Variants in GOLGA3 observed in about 807,000 individuals in gnomAD.
GOLGA3 encodes golgin subfamily A member 3.
A neutral mutation model predicts 169.4 loss-of-function variants in GOLGA3; 75 were observed. The observed-to-expected ratio is 0.44, with a 90% confidence interval of 0.37 to 0.54. The LOEUF (loss-of-function observed/expected upper bound fraction) is 0.54, where lower values mean the gene tolerates loss of function less well. Among genes scored for constraint, GOLGA3 ranks in the 20% least tolerant of loss-of-function variants. GOLGA3 has a pLI of 0.00. For missense variants in GOLGA3, 1,899 were observed against 1,930.0 expected (o/e 0.98, Z 0.30); for synonymous variants, 824 against 822.4 (o/e 1.00, Z -0.03).
rs2044971815 is a variant in GOLGA3 at position 132,772,804 on chromosome 12, A to G, written c.*301T>C. 1.4e-5 allele frequency: 4 copies of G among 281,076 alleles called. No individual in the cohort carries two copies. 17.4% of individuals were successfully genotyped at this position (281,076 alleles called of 1,614,324 possible). A position where few individuals can be genotyped will look rare whatever the true frequency, so the allele number is the denominator to read the frequency against. On this transcript the variant is annotated 3_prime_UTR_variant, in exon 24 of 24. Transcript: ENST00000450791. ...CAGCCTCTCCCTGTCACCCGCAGAGAGCAGCATCGGTGGCCGCTCAGAAGC... is the reference window on the plus strand; with the variant it reads ...CAGCCTCTCCCTGTCACCCGCAGAGGGCAGCATCGGTGGCCGCTCAGAAGC...
chr12:132,810,683 T>A (rs1385487914), intron 4 of GOLGA3, among the ~76,000 whole-genome samples: 3 of 152,040 alleles, frequency 2.0e-5, no homozygotes, highest in Non-Finnish European at 4.4e-5. Context: ...AACGCCAGCA[T>A]CTGGGAAGAC....
chr12:132,771,068 T>C lies in GOLGA3; in HGVS notation c.*2037A>G, dbSNP rs1038754522. On this transcript the variant is annotated 3_prime_UTR_variant, in exon 24 of 24. Coordinates refer to ENST00000450791, the MANE Select transcript of GOLGA3 (RefSeq NM_001389683.1). ...AACATCTTCAACTTAAGATAAAAAG[T>C]AGGATATATTTATAATGAAATTTTC... is the stretch of plus-strand genomic sequence containing the variant. The C allele has an allele frequency of 6.6e-6, 1 of 152,582 alleles. No homozygotes were observed. Among genetic ancestry groups the C allele is most frequent in the African/African-American group, 2.4e-5 (1 of 41,438 alleles). 9.5% of individuals were successfully genotyped at this position (152,582 alleles called of 1,614,324 possible).
intron 4 of GOLGA3, chr12:132,811,851 T>C (rs1949724129): frequency 6.3e-6 from 6 of 952,334 alleles, no homozygotes; most frequent in African/African-American, 3.5e-5. Flanking sequence ...GAGATCCTTT[T>C]GAAACATGAC....
intron 3 of GOLGA3, among the ~76,000 whole-genome samples, chr12:132,816,140 G>A (rs1172755362): frequency 1.3e-5 from 2 of 152,264 alleles, no homozygotes; most frequent in African/African-American, 2.4e-5. Context: ...GGAGATTGCA[G>A]TGAGCCGAGA....
At chr12:132,809,815 T>C (rs1001578782) in intron 4 of GOLGA3, among the ~76,000 whole-genome samples, 9 of 152,268 alleles carry the variant, frequency 5.9e-5, no homozygotes, top group African/African-American at 2.2e-4. Flanking sequence ...TCTTGTTTTA[T>C]ATTTTATTAT....
At chr12:132,810,711 C>T (rs1949662010) in intron 4 of GOLGA3, among the ~76,000 whole-genome samples, 1 of 152,134 alleles carries the variant, frequency 6.6e-6, no homozygotes, top group African/African-American at 2.4e-5. Flanking sequence ...GCCAAGCAGA[C>T]CATGGTCTAG....
chr12:132,821,570 G>C (rs1950214221), intron 2 of GOLGA3, among the ~76,000 whole-genome samples: 1 of 152,066 alleles, frequency 6.6e-6, no homozygotes, highest in Admixed American at 6.5e-5. Flanking sequence ...CATACTTTGG[G>C]CCGGGCACAG....
chr12:132,813,201 T>C (rs544973243), intron 4 of GOLGA3, 106 bp downstream of exon 4: 4 of 735,830 alleles, frequency 5.4e-6, no homozygotes, highest in South Asian at 3.0e-5. Context: ...CCTGAGCCCA[T>C]GGCAGCTCAG....
chr12:132,808,791 T>C (rs1949554012), intron 4 of GOLGA3, among the ~76,000 whole-genome samples: 1 of 152,194 alleles, frequency 6.6e-6, no homozygotes, highest in Admixed American at 6.5e-5. Flanking sequence ...CACTCTTCAG[T>C]GACTGTGACC....
rs933047255 is a variant in GOLGA3, at chr12:132,774,260, C to T, written c.4204G>A (p.Asp1402Asn). The change falls in exon 23 of 24, where the codon GAC (aspartate) becomes AAC (asparagine). Residue 1402 changes from aspartate (D) to asparagine (N), a missense_variant. Transcript: ENST00000450791. ...SNPATPIKIPDCPVPASLLEE... is the reference protein window; with the variant it reads ...SNPATPIKIPNCPVPASLLEE... ...AGCAGCGAGGCGGGAACTGGGCAGT[C>T]CGGGATCTTGATGGGCGTGGCAGGG... The T allele has an allele frequency of 8.1e-6, 13 of 1,612,764 alleles. No individual in the cohort carries two copies. Among genetic ancestry groups the T allele is most frequent in the Non-Finnish European group, 1.1e-5 (13 of 1,180,028 alleles).
At chr12:132,794,559 G>C (rs1948732451) in intron 11 of GOLGA3, among the ~76,000 whole-genome samples, 1 of 152,162 alleles carries the variant, frequency 6.6e-6, no homozygotes, top group Non-Finnish European at 1.5e-5. Flanking sequence ...CCAACCCAGA[G>C]GTTAACTTGG....
At chr12:132,820,114 T>C (rs565099756) in intron 2 of GOLGA3, among the ~76,000 whole-genome samples, 2 of 151,502 alleles carry the variant, frequency 1.3e-5, no homozygotes, top group South Asian at 4.2e-4. Context: ...AGGCGGAGGT[T>C]GCCATGAGCC....
intron 13 of GOLGA3, among the ~76,000 whole-genome samples, chr12:132,787,194 C>T (rs1361240702): frequency 6.6e-6 from 1 of 152,110 alleles, no homozygotes; most frequent in African/African-American, 2.4e-5. Flanking sequence ...CCTCGTGATC[C>T]ACCTGCCTCG....
chr12:132,804,628 G>C lies in GOLGA3; in HGVS notation c.1597+88C>G, dbSNP rs1949298567. On this transcript the variant is annotated intron_variant, in intron 7 of 23. Transcript: ENST00000450791. This position sits in a 1 kb window ranked among gnomAD's most constrained non-coding sequence, Gnocchi z 4.1. ...CAGCAAGGACCAGTCAGGGAAGGAG[G>C]AGGGCGTGGCGGGGGCCAGTCGAGG... is the stretch of plus-strand genomic sequence containing the variant. The C allele has an allele frequency of 2.8e-6, 3 of 1,090,236 alleles. No individual in the cohort carries two copies. In the Admixed American group the frequency reaches 5.4e-5, roughly 20 times the overall value. 67.5% of individuals were successfully genotyped at this position (1,090,236 alleles called of 1,614,324 possible).
chr12:132,792,140 A>C (rs1490978766), intron 11 of GOLGA3, among the ~76,000 whole-genome samples: 1 of 152,214 alleles, frequency 6.6e-6, no homozygotes, highest in African/African-American at 2.4e-5. Context: ...ACATCTGCAC[A>C]GATGTTATAG....
Position 132,807,878 on chromosome 12 carries a change from C to T in GOLGA3, c.1178+13G>A. The T allele has an allele frequency of 8.3e-7, 1 of 1,200,784 alleles. No homozygotes were observed. The highest frequency in any genetic ancestry group is 1.2e-6 in the Non-Finnish European group (1 of 848,190). 74.4% of individuals were successfully genotyped at this position (1,200,784 alleles called of 1,614,324 possible). A position where few individuals can be genotyped will look rare whatever the true frequency, so the allele number is the denominator to read the frequency against. Reference sequence around the variant, plus strand: ...CCTCCACCCACCCCGCCCACCTCTGCTGTCCCCACCACCTGCTGCAGATGC... The same window carrying T: ...CCTCCACCCACCCCGCCCACCTCTGTTGTCCCCACCACCTGCTGCAGATGC... On this transcript the variant is annotated intron_variant, in intron 5 of 23. Transcript: ENST00000450791.
rs190930687 is a variant in GOLGA3 at position 132,810,867 on chromosome 12, G to C, written c.520-2318C>G. On this transcript the variant is annotated intron_variant, in intron 4 of 23. Transcript: ENST00000450791. ...CCTAACCATCAACCTGTGATGCTGT[G>C]CTTCAGTGGTCACACTCCTAGTCTG... Among the ~76,000 whole-genome samples the C allele has an allele frequency of 1.7e-3, 253 of 152,358 alleles. 1 individual carries two copies. Among genetic ancestry groups the C allele is most frequent in the Non-Finnish European group, 2.3e-3 (154 of 68,042 alleles).
intron 18 of GOLGA3, among the ~76,000 whole-genome samples, chr12:132,778,018 A>C (rs1377736612): frequency 1.3e-5 from 2 of 152,248 alleles, no homozygotes; most frequent in Admixed American, 1.3e-4. Flanking sequence ...GGCTGCTGCT[A>C]TCTGTTGAAT....
chr12:132,818,450 G>A (rs1950083030), intron 2 of GOLGA3, among the ~76,000 whole-genome samples: 1 of 152,082 alleles, frequency 6.6e-6, no homozygotes. Context: ...TAGTAGAGAT[G>A]GGGTTTCACC....
Sources: gnomAD v4.1 joint callset for allele counts (sites outside exome capture counted in the v4.1 genomes callset) on GRCh38, gnomAD v4.1.1 for gene constraint, Gnocchi (gnomAD v3.1) non-coding constraint, MANE v1.5 for transcripts, NCBI Gene and HGNC (gene_info 2026-07-23, HGNC 2026-07-21) for gene names.